The following MICAL1 variants were observed in gnomAD, a reference collection of about 807,000 sequenced individuals.
MICAL1 encodes the protein microtubule associated monooxygenase, calponin and LIM domain containing 1.
In MICAL1, 95 loss-of-function variants were observed where a neutral mutation model predicts 131.8. The ratio of observed to expected loss-of-function variants is 0.72; its 90% CI spans 0.61 to 0.86. The LOEUF is 0.86. MICAL1 is among the 40% of genes least tolerant of loss of function. The probability of loss-of-function intolerance (pLI) is 0.00; values close to 1 mark genes in which losing one functional copy is unlikely to be tolerated. For synonymous variants in MICAL1, 546 were observed against 554.2 expected (o/e 0.99, Z 0.21); for missense variants, 1,292 against 1,380.6 (o/e 0.94, Z 1.02).
upstream of MICAL1, among the ~76,000 whole-genome samples, chr6:109,459,768 C>T (rs923946611): frequency 3.9e-5 from 6 of 152,142 alleles, no homozygotes; most frequent in African/African-American, 1.4e-4. Flanking sequence ...CCTTCAAACA[C>T]TAAGATTATA....
intron 10 of MICAL1, 80 bp downstream of exon 10, chr6:109,449,577 G>A: frequency 1.2e-6 from 2 of 1,602,604 alleles, no homozygotes; most frequent in Non-Finnish European, 1.7e-6. Flanking sequence ...ACCCCAAAGG[G>A]CAGCGACTGG....
rs775586356 is a variant in MICAL1 at position 109,452,508 on chromosome 6, C to T, written c.676+3G>A. The T allele has an allele frequency of 2.9e-5, 46 of 1,613,700 alleles. No individual in the cohort carries two copies. The South Asian group carries it at 4.1e-4, about 14-fold the overall frequency. On this transcript the variant is annotated splice_donor_region_variant and intron_variant, in intron 5 of 24. Transcript: ENST00000358807. ...GGCTTCTTTGAGGGAAGTGATCACT[C>T]ACCTTCAGGGACGAATTTACCTCCT...
chr6:109,446,025 C>A, intron 19 of MICAL1, 111 bp downstream of exon 19: 8 of 1,470,032 alleles, frequency 5.4e-6, no homozygotes, highest in Non-Finnish European at 7.2e-6. Context: ...GAGGCTGCCA[C>A]GGCCTGGGAT....
At chr6:109,460,462 G>A (rs1189149195), upstream of MICAL1, among the ~76,000 whole-genome samples, 1 of 149,652 alleles carries the variant, frequency 6.7e-6, no homozygotes, top group Non-Finnish European at 1.5e-5. Context: ...AATCGAATGA[G>A]CTTTAGTTTA....
At chr6:109,461,106 GC>G (rs1478766732) in intron 1 of MICAL1, among the ~76,000 whole-genome samples, 1 of 72,294 alleles carries the variant, frequency 1.4e-5, no homozygotes, top group Admixed American at 1.5e-4. Flanking sequence ...CCCTCCCCCA[GC>G]CCCCCACCCT....
chr6:109,444,076 AT>A lies in MICAL1; in HGVS notation c.*114del. ...TGTGAACGCTGTTTGTGGCAGAAAC[AT>A]TTTAATTGTAAACAGCAAGGCTCTC... is the stretch of plus-strand genomic sequence containing the variant. On this transcript the variant is annotated 3_prime_UTR_variant, in exon 25 of 25. Coordinates refer to ENST00000358807, the MANE Select transcript of MICAL1 (RefSeq NM_022765.4). The A allele has an allele frequency of 1.3e-6, 2 of 1,495,286 alleles. No individual in the cohort carries two copies. Among genetic ancestry groups the A allele is most frequent in the Non-Finnish European group, 8.9e-7 (1 of 1,123,258 alleles). The allele number at this position is 1,495,286 out of a possible 1,614,324, so 92.6% of individuals were successfully genotyped here.
rs1775701050 is a variant in MICAL1, at chr6:109,455,261, G to GGCCCCTCCACCATCCAGCT, written c.-44+439_-44+457dup. On this transcript the variant is annotated intron_variant, in intron 1 of 24. Coordinates refer to ENST00000358807, the MANE Select transcript of MICAL1 (RefSeq NM_022765.4). The surrounding 1 kb of genome is among the most constrained non-coding windows in gnomAD (Gnocchi z 4.7). ...AGTGGGGGCAGGTCCCTGAGGCTCA[G>GGCCCCTCCACCATCCAGCT]GCCCCTCCACCATCCAGCTGCCCCT... is the stretch of plus-strand genomic sequence containing the variant. 6.6e-6 allele frequency among the ~76,000 whole-genome samples: 1 copy of GGCCCCTCCACCATCCAGCT among 152,180 alleles called. No homozygotes were observed. The highest frequency in any genetic ancestry group is 1.5e-5 in the Non-Finnish European group (1 of 68,026).
intron 22 of MICAL1, 46 bp downstream of exon 22, chr6:109,445,151 G>A (rs199576263): frequency 6.2e-7 from 1 of 1,606,836 alleles, no homozygotes; most frequent in African/African-American, 1.3e-5. Context: ...GCGTGGAGCT[G>A]AACACAGTGC....
At position 109,453,795 on chromosome 6, in the gene MICAL1, C is replaced by T. The variant is rs1250300543; in HGVS notation, c.309G>A (p.Leu103=). ...GCACCACTCGGGCCCCCAGCAGCGC[C>T]AGCTCCACAGCGACCCGCAGCCCGC... ...GPCGLRVAVE[L]ALLGARVVLV... is the part of the protein sequence containing the mutation. The change falls in exon 3 of 25, where the codon CTG becomes CTA. Residue 103 remains leucine, a synonymous_variant. Coordinates refer to ENST00000358807, the MANE Select transcript of MICAL1 (RefSeq NM_022765.4). 1.1e-5 allele frequency: 17 copies of T among 1,613,658 alleles called. No individual in the cohort carries two copies. Among genetic ancestry groups the T allele is most frequent in the Non-Finnish European group, 1.3e-5 (15 of 1,180,036 alleles).
chr6:109,448,911 C>T (rs1374328318), intron 11 of MICAL1, 32 bp from the exon 12 acceptor site: 5 of 1,609,954 alleles, frequency 3.1e-6, no homozygotes, highest in South Asian at 1.1e-5. Flanking sequence ...TGCCCAAGGC[C>T]CCCTCTGCCC....
chr6:109,457,935 T>C (rs1775798311), upstream of MICAL1, among the ~76,000 whole-genome samples: 1 of 152,230 alleles, frequency 6.6e-6, no homozygotes, highest in South Asian at 2.1e-4. Context: ...CCAGCTTTGC[T>C]TCACGCTAGC....
At chr6:109,458,352 T>C (rs895296048), upstream of MICAL1, among the ~76,000 whole-genome samples, 2 of 152,100 alleles carry the variant, frequency 1.3e-5, no homozygotes, top group African/African-American at 4.8e-5. Context: ...TCCCAGCACT[T>C]TGGGAGGCTG....
chr6:109,449,553 C>T (rs1484079315), intron 10 of MICAL1, 72 bp from the exon 11 acceptor site: 65 of 1,606,990 alleles, frequency 4.0e-5, no homozygotes, highest in East Asian at 1.3e-4. Context: ...AAGGGCCTGC[C>T]GGGGGTAGGA....
chr6:109,464,378 A>G (rs1331132409), intron 1 of MICAL1: 1 of 152,180 alleles, frequency 6.6e-6, no homozygotes, highest in Non-Finnish European at 1.5e-5. Flanking sequence ...AAGGATGTCT[A>G]AAACAAAACA....
chr6:109,447,691 A>G lies in MICAL1; in HGVS notation c.1976T>C (p.Leu659Pro). 8 of 1,614,054 alleles carry G rather than the reference A, an allele frequency of 5.0e-6. No homozygotes were observed. Among genetic ancestry groups the G allele is most frequent in the Non-Finnish European group, 6.8e-6 (8 of 1,179,980 alleles). The change falls in exon 15 of 25, where the codon CTG becomes CCG. Residue 659 changes from leucine to proline, a missense_variant. By Grantham distance (98) the Leu-to-Pro change is moderately conservative (BLOSUM62 -3). Transcript: ENST00000358807. ...ENAEDAGGKK[L>P]RLEMEAETPS... Reference sequence around the variant, plus strand: ...CCTGCCTGCATTCACCTCCAAGCGCAGCTTCTTGCCACCAGCATCCTCTGC... The same window carrying G: ...CCTGCCTGCATTCACCTCCAAGCGCGGCTTCTTGCCACCAGCATCCTCTGC...
intron 6 of MICAL1, 137 bp from the exon 7 acceptor site, chr6:109,451,837 C>A (rs551622569): frequency 1.4e-6 from 2 of 1,451,302 alleles, no homozygotes; most frequent in Non-Finnish European, 1.8e-6. Flanking sequence ...TAGAACCCCA[C>A]GAGTCCTGAT....
chr6:109,452,455 G>GAA (rs1178618906), intron 5 of MICAL1, 54 bp from the exon 6 acceptor site: 5 of 1,610,976 alleles, frequency 3.1e-6, no homozygotes, highest in Non-Finnish European at 4.2e-6. Context: ...TAACAATCTA[G>GAA]AAAGGCCCAG....
At chr6:109,449,559 T>C in intron 10 of MICAL1, 78 bp from the exon 11 acceptor site, 2 of 1,604,884 alleles carry the variant, frequency 1.2e-6, no homozygotes, top group Non-Finnish European at 1.7e-6. Context: ...CTGCCGGGGG[T>C]AGGATTGACC....
At position 109,452,564 on chromosome 6, in the gene MICAL1, T is replaced by C. The variant is rs749051271; in HGVS notation, c.623A>G (p.Asn208Ser). ...LQPNPPAQLA[N>S]YEFDVLISAA... Reference sequence around the variant, plus strand: ...CGAGATAAGGACGTCAAATTCATAGTTGGCCAGCTGGGCAGGGGGGTTGGG... The same window carrying C: ...CGAGATAAGGACGTCAAATTCATAGCTGGCCAGCTGGGCAGGGGGGTTGGG... The change falls in exon 5 of 25, where the codon AAC becomes AGC. Residue 208 changes from asparagine (N) to serine (S), a missense_variant. Asn to Ser is a conservative substitution (Grantham distance 46). Coordinates refer to ENST00000358807, the MANE Select transcript of MICAL1 (RefSeq NM_022765.4). The C allele has an allele frequency of 6.2e-7, 1 of 1,613,800 alleles. No individual in the cohort carries two copies. Among genetic ancestry groups the C allele is most frequent in the Non-Finnish European group, 8.5e-7 (1 of 1,179,944 alleles).
Sources: gnomAD v4.1 joint callset for allele counts (sites outside exome capture counted in the v4.1 genomes callset) on GRCh38, gnomAD v4.1.1 for gene constraint, Gnocchi (gnomAD v3.1) non-coding constraint, MANE v1.5 for transcripts, NCBI Gene and HGNC (gene_info 2026-07-23, HGNC 2026-07-21) for gene names.